The following WDR27 variants were observed in gnomAD, a reference collection of about 807,000 sequenced individuals.
WDR27 encodes WD repeat domain 27, also known as WD repeat-containing protein 27.
A neutral mutation model predicts 114.4 loss-of-function variants in WDR27; 100 were observed. The observed-to-expected ratio is 0.87, with a 90% CI of 0.74 to 1.03. The LOEUF (loss-of-function observed/expected upper bound fraction) is 1.03, where lower values mean the gene tolerates loss of function less well. Among genes scored for constraint, WDR27 ranks in the 50% least tolerant of loss-of-function variants. The probability of loss-of-function intolerance (pLI) is 0.00; values close to 1 mark genes in which losing one functional copy is unlikely to be tolerated. For synonymous variants in WDR27, 449 were observed against 423.1 expected (o/e 1.06, Z -0.75); for missense variants, 1,129 against 1,092.9 (o/e 1.03, Z -0.47).
At chr6:169,640,013 C>A (rs1256543607) in intron 17 of WDR27, among the ~76,000 whole-genome samples, 1 of 152,102 alleles carries the variant, frequency 6.6e-6, no homozygotes, top group African/African-American at 2.4e-5. Flanking sequence ...AGAGGCCGCA[C>A]CCAGCCCTGC....
chr6:169,598,711 C>CTG (rs1807327865), intron 23 of WDR27, among the ~76,000 whole-genome samples: 1 of 152,212 alleles, frequency 6.6e-6, no homozygotes, highest in Non-Finnish European at 1.5e-5. Context: ...ACCCCAGGGA[C>CTG]TGTAGCAGCC....
At chr6:169,662,513 C>A in intron 8 of WDR27, 89 bp from the exon 9 acceptor site, 1 of 1,520,222 alleles carries the variant, frequency 6.6e-7, no homozygotes, top group South Asian at 1.2e-5. Context: ...AGAGATGCTG[C>A]AGTGAATGTG....
intron 25 of WDR27, among the ~76,000 whole-genome samples, chr6:169,524,538 A>C (rs899624148): frequency 3.9e-5 from 6 of 152,216 alleles, no homozygotes; most frequent in African/African-American, 1.2e-4. Flanking sequence ...AATATCCTCC[A>C]AATTTATAGT....
At chr6:169,554,190 G>T (rs867906949) in intron 25 of WDR27, among the ~76,000 whole-genome samples, 4 of 152,212 alleles carry the variant, frequency 2.6e-5, no homozygotes, top group Non-Finnish European at 4.4e-5. Flanking sequence ...GTCATGCCCG[G>T]GTTCTAGTTC....
At chr6:169,461,304 A>G (rs1784878334) in intron 25 of WDR27, among the ~76,000 whole-genome samples, 1 of 152,190 alleles carries the variant, frequency 6.6e-6, no homozygotes, top group South Asian at 2.1e-4. Flanking sequence ...AAACAAGAAC[A>G]GCATACATCT....
intron 14 of WDR27, 76 bp from the exon 15 acceptor site, chr6:169,649,351 T>G: frequency 7.8e-7 from 1 of 1,275,576 alleles, no homozygotes. Flanking sequence ...TATTTTACAG[T>G]GAAAAAAATT....
At chr6:169,664,417 C>A (rs1446074808) in intron 7 of WDR27, 131 bp from the exon 8 acceptor site, 1 of 1,542,502 alleles carries the variant, frequency 6.5e-7, no homozygotes, top group East Asian at 2.3e-5. Context: ...CAGAGGCTCC[C>A]GGCACAGCTG....
intron 1 of WDR27, among the ~76,000 whole-genome samples, chr6:169,694,018 G>C (rs550441049): frequency 6.6e-6 from 1 of 152,306 alleles, no homozygotes; most frequent in African/African-American, 2.4e-5. Context: ...CTTGTTAAAT[G>C]TAACAGTCAT....
At chr6:169,514,215 TCAAA>T (rs1583897408) in intron 25 of WDR27, among the ~76,000 whole-genome samples, 2 of 151,722 alleles carry the variant, frequency 1.3e-5, no homozygotes, top group African/African-American at 4.8e-5. Flanking sequence ...ACATCTTTTT[TCAAA>T]CAAAGGATTT....
chr6:169,647,732 T>TA, intron 16 of WDR27, 41 bp downstream of exon 16: 1 of 1,454,428 alleles, frequency 6.9e-7, no homozygotes, highest in South Asian at 1.2e-5. Flanking sequence ...CAAAGACTCT[T>TA]ACAATGAAAT....
chr6:169,481,872 CTG>C (rs1164573620), intron 25 of WDR27, among the ~76,000 whole-genome samples: 8 of 152,238 alleles, frequency 5.3e-5, no homozygotes, highest in Admixed American at 3.9e-4. Flanking sequence ...TCTTTAAAAA[CTG>C]TAACACTCAC....
At chr6:169,510,504 C>G (rs1792673170) in intron 25 of WDR27, among the ~76,000 whole-genome samples, 1 of 151,878 alleles carries the variant, frequency 6.6e-6, no homozygotes, top group African/African-American at 2.4e-5. Context: ...AGCTGGGAAC[C>G]ATCATTCTCA....
At chr6:169,501,354 G>C (rs897462309) in intron 25 of WDR27, among the ~76,000 whole-genome samples, 1 of 152,214 alleles carries the variant, frequency 6.6e-6, no homozygotes. Context: ...TGTGAGGACA[G>C]AGGGTGGCTG....
At chr6:169,626,057 G>A (rs1480762832) in intron 21 of WDR27, among the ~76,000 whole-genome samples, 1 of 152,180 alleles carries the variant, frequency 6.6e-6, no homozygotes, top group African/African-American at 2.4e-5. Flanking sequence ...ATGCAGCCTC[G>A]GGCTTTTATC....
rs3029697 is a variant in WDR27 at position 169,586,847 on chromosome 6, C to CAAAAAAAAA, written c.2425-3922_2425-3914dup. Reference sequence around the variant, plus strand: ...CTGGCGACACAGCTAGACTCTGTCTCAAAAAAAAAAAAAAAAAAAAAAAAA... The same window carrying CAAAAAAAAA: ...CTGGCGACACAGCTAGACTCTGTCTCAAAAAAAAAAAAAAAAAAAAAAAAAAAAAAAAAA... On this transcript the variant is annotated intron_variant, in intron 23 of 25. Coordinates refer to ENST00000448612, the MANE Select transcript of WDR27 (RefSeq NM_182552.5). 9.0e-3 allele frequency among the ~76,000 whole-genome samples: 288 copies of CAAAAAAAAA among 32,058 alleles called. 98 individuals are homozygous for CAAAAAAAAA. Among genetic ancestry groups the CAAAAAAAAA allele is most frequent in the South Asian group, 0.011 (5 of 468 alleles). 21.0% of individuals were successfully genotyped at this position (32,058 alleles called of 152,430 possible).
chr6:169,431,209 C>G, the WDR27 span, among the ~76,000 whole-genome samples: 1 of 152,212 alleles, frequency 6.6e-6, no homozygotes, highest in African/African-American at 2.4e-5. Context: ...CCTCAAACTT[C>G]TCTTTGTGCA....
At chr6:169,587,689 C>T (rs2128148941) in intron 23 of WDR27, among the ~76,000 whole-genome samples, 1 of 152,332 alleles carries the variant, frequency 6.6e-6, no homozygotes, top group East Asian at 1.9e-4. Context: ...TTTCTTGAAT[C>T]ATATTAGAAT....
intron 6 of WDR27, among the ~76,000 whole-genome samples, chr6:169,666,001 C>A (rs1271031055): frequency 2.0e-5 from 3 of 152,096 alleles, no homozygotes; most frequent in Non-Finnish European, 4.4e-5. Context: ...ATGAAAACAG[C>A]AAGTAAATGG....
chr6:169,490,235 G>C (rs1789567129), intron 25 of WDR27, among the ~76,000 whole-genome samples: 1 of 152,234 alleles, frequency 6.6e-6, no homozygotes, highest in Admixed American at 6.5e-5. Context: ...TTTAACCTCT[G>C]TGCTGAGCCT....
Sources: allele counts gnomAD v4.1 joint callset (sites outside exome capture counted in the v4.1 genomes callset), GRCh38; gene constraint gnomAD v4.1.1; transcripts MANE v1.5; gene names NCBI Gene and HGNC (gene_info 2026-07-23, HGNC 2026-07-21).